GGT5: variants seen among roughly 807,000 people sequenced by gnomAD.
GGT5 encodes the protein glutathione hydrolase 5 proenzyme.
A neutral mutation model predicts 58.1 loss-of-function variants in GGT5; 50 were observed. The ratio of observed to expected loss-of-function variants is 0.86; its 90% confidence interval spans 0.69 to 1.09. GGT5 has a LOEUF of 1.09. GGT5 is among the 50% of genes least tolerant of loss of function. GGT5 has a pLI of 0.00. For missense variants in GGT5, 800 were observed against 789.4 expected, an observed-to-expected ratio of 1.01 and a Z score of -0.16; for synonymous variants, 370 against 346.1, an observed-to-expected ratio of 1.07 and a Z score of -0.77.
intron 1 of GGT5, among the ~76,000 whole-genome samples, chr22:24,238,755 T>A (rs1328158419): frequency 7.6e-5 from 5 of 66,212 alleles, no homozygotes; most frequent in Non-Finnish European, 1.4e-4. Context: ...TGTGTATATA[T>A]ATGGAATATA....
At chr22:24,231,987 C>G in intron 5 of GGT5, 64 bp downstream of exon 5, 1 of 1,400,000 alleles carries the variant, frequency 7.1e-7, no homozygotes, top group Non-Finnish European at 1.0e-6. Context: ...CCCTCAACCC[C>G]CAGTGCCCAG....
intron 1 of GGT5, chr22:24,241,954 T>A (rs1328053434): frequency 6.6e-6 from 1 of 151,636 alleles, no homozygotes; most frequent in East Asian, 1.9e-4. Context: ...GTAGCTGGGA[T>A]TACAGGCACC....
chr22:24,227,434 ATGGTGTTTTACTGTGTTGGCCAGGC>A (rs992958588), intron 6 of GGT5, among the ~76,000 whole-genome samples: 1 of 151,966 alleles, frequency 6.6e-6, no homozygotes, highest in African/African-American at 2.4e-5. Context: ...TTTAGTAGAG[ATGGTGTTTTACTGTGTTGGCCAGGC>A]TGGTCTCCAA....
intron 6 of GGT5, among the ~76,000 whole-genome samples, chr22:24,229,862 GA>G (rs956861817): frequency 8.5e-5 from 12 of 140,368 alleles, no homozygotes; most frequent in African/African-American, 1.0e-4. Context: ...AAAAAAAAAA[GA>G]AAAAAAAAAG....
At position 24,227,204 on chromosome 22, in the gene GGT5, C is replaced by T. The variant is rs561737825; in HGVS notation, c.902-437G>A. On this transcript the variant is annotated intron_variant, in intron 6 of 11. Transcript: ENST00000327365. ...GCCTCAAGTGATCTGCCTGCCTTGG[C>T]CTCCCAAAGTGCTAGGATTACAGGC... is the stretch of plus-strand genomic sequence containing the variant. Among the ~76,000 whole-genome samples, 16 of 152,226 alleles carry T rather than the reference C, an allele frequency of 1.1e-4. No individual in the cohort carries two copies. In the East Asian group the frequency reaches 3.1e-3, roughly 29 times the overall value.
Position 24,244,887 on chromosome 22 carries a change from G to T in GGT5, c.-162C>A. 4 of 1,274,504 alleles carry T rather than the reference G, an allele frequency of 3.1e-6. 1 individual carries two copies. The South Asian group carries it at 6.3e-5, about 20-fold the overall frequency. The allele number at this position is 1,274,504 out of a possible 1,614,324, so 78.9% of individuals were successfully genotyped here. A position where few individuals can be genotyped will look rare whatever the true frequency, so the allele number is the denominator to read the frequency against. ...GACACGAAGATGGATCGACAGATAGGCCAGATAGCTAGACAAAGAGGACAG... is the reference window on the plus strand; with the variant it reads ...GACACGAAGATGGATCGACAGATAGTCCAGATAGCTAGACAAAGAGGACAG... On this transcript the variant is annotated 5_prime_UTR_variant, in exon 1 of 12. Transcript: ENST00000327365.
Position 24,232,182 on chromosome 22 carries a change from G to A in GGT5, c.623C>T (p.Pro208Leu). Reference protein sequence around the residue: ...LRQLFFNGTEPLRPQDPLPWP... With the variant: ...LRQLFFNGTELLRPQDPLPWP... ...TGGGAGTGGGTCCTGAGGCCTCAGG[G>A]GTTCTGTCCCGTTGAAGAAGAGCTG... is the stretch of plus-strand genomic sequence containing the variant. The change falls in exon 5 of 12, where the codon CCC becomes CTC. Residue 208 changes from proline (P) to leucine (L), a missense_variant. Pro to Leu is a moderately conservative substitution (Grantham distance 98). Coordinates refer to ENST00000327365, the MANE Select transcript of GGT5 (RefSeq NM_004121.5). 1 of 1,547,460 alleles carries A rather than the reference G, an allele frequency of 6.5e-7. No homozygotes were observed. Among genetic ancestry groups the A allele is most frequent in the South Asian group, 1.2e-5 (1 of 84,930 alleles).
chr22:24,228,537 G>A (rs2047845283), intron 6 of GGT5, among the ~76,000 whole-genome samples: 1 of 150,396 alleles, frequency 6.6e-6, no homozygotes, highest in African/African-American at 2.4e-5. Flanking sequence ...TGCAAGCTCT[G>A]TCTCCTGGGT....
intron 11 of GGT5, among the ~76,000 whole-genome samples, chr22:24,221,450 G>T (rs558194685): frequency 2.6e-5 from 4 of 152,104 alleles, no homozygotes; most frequent in African/African-American, 9.7e-5. Context: ...CCCCACCCAG[G>T]AACGGACTCA....
Position 24,232,203 on chromosome 22 carries a change from A to C in GGT5, c.602T>G (p.Leu201Arg). ...PSLQASTLRQLFFNGTEPLRP... is the reference protein window; with the variant it reads ...PSLQASTLRQRFFNGTEPLRP... ...CAGGGGTTCTGTCCCGTTGAAGAAGAGCTGGCTGGGGGGTGGGGGGAGCCT... is the reference window on the plus strand; with the variant it reads ...CAGGGGTTCTGTCCCGTTGAAGAAGCGCTGGCTGGGGGGTGGGGGGAGCCT... Residue 201 changes from leucine to arginine, a missense_variant, in exon 5 of 12, where the codon CTC (leucine) becomes CGC (arginine). Transcript: ENST00000327365. 7 of 883,684 alleles carry C rather than the reference A, an allele frequency of 7.9e-6. No homozygotes were observed. The highest frequency in any genetic ancestry group is 1.8e-5 in the African/African-American group (1 of 54,508). 54.7% of individuals were successfully genotyped at this position (883,684 alleles called of 1,614,324 possible). A position where few individuals can be genotyped will look rare whatever the true frequency, so the allele number is the denominator to read the frequency against.
At chr22:24,226,802 C>T in intron 6 of GGT5, 35 bp from the exon 7 acceptor site, 1 of 1,607,446 alleles carries the variant, frequency 6.2e-7, no homozygotes. Flanking sequence ...TGGTTGGGGT[C>T]ACCCTATGTA....
chr22:24,225,618 T>C lies in GGT5; in HGVS notation c.1264A>G (p.Ile422Val), dbSNP rs200073930. The change falls in exon 9 of 12, where the codon ATC becomes GTC. Residue 422 changes from isoleucine to valine, a missense_variant. Transcript: ENST00000327365. ...GAMVYSPRTG[I>V]ILNNELLDLC... ...TCCAGGAGCTCGTTGTTGAGGATGA[T>C]GCCTGTCCGTGGTGAATACACCATC... 450 of 1,613,236 alleles carry C rather than the reference T, an allele frequency of 2.8e-4. 1 individual carries two copies. The Middle Eastern group carries it at 0.01, about 37-fold the overall frequency.
chr22:24,220,861 G>A (rs901417808), intron 11 of GGT5: 13 of 337,128 alleles, frequency 3.9e-5, no homozygotes, highest in Non-Finnish European at 5.8e-5. Flanking sequence ...GCAAGATCAC[G>A]TCTTTATTAA....
rs1207882276 is a variant in GGT5, at chr22:24,225,271, C to G, written c.1477G>C (p.Glu493Gln). 1.2e-6 allele frequency: 2 copies of G among 1,613,526 alleles called. No individual in the cohort carries two copies. Among genetic ancestry groups the G allele is most frequent in the Non-Finnish European group, 1.7e-6 (2 of 1,179,944 alleles). The part of the protein sequence containing the change: ...SKLVIGGAGG[E>Q]LIISAVAQAI... Reference sequence around the variant, plus strand: ...TGGGCCACAGCAGAGATGATGAGCTCCCCGCCAGCCCCGCCAATCACTAGC... The same window carrying G: ...TGGGCCACAGCAGAGATGATGAGCTGCCCGCCAGCCCCGCCAATCACTAGC... The change falls in exon 10 of 12, where the codon GAG becomes CAG. Residue 493 changes from glutamate to glutamine, a missense_variant. Coordinates refer to ENST00000327365, the MANE Select transcript of GGT5 (RefSeq NM_004121.5).
chr22:24,220,876 TAAAAG>T (rs1301439942), intron 11 of GGT5: 9 of 329,730 alleles, frequency 2.7e-5, no homozygotes, highest in East Asian at 1.7e-4. Flanking sequence ...TATTAAAAAA[TAAAAG>T]AAAAGAAAAA....
At chr22:24,239,226 C>T (rs1051517247) in intron 1 of GGT5, among the ~76,000 whole-genome samples, 21 of 150,870 alleles carry the variant, frequency 1.4e-4, no homozygotes, top group Non-Finnish European at 2.2e-4. Context: ...GTAGTCCCAG[C>T]TACTCGGGAG....
chr22:24,239,328 G>A (rs1379545784), intron 1 of GGT5, among the ~76,000 whole-genome samples: 1 of 151,602 alleles, frequency 6.6e-6, no homozygotes, highest in Non-Finnish European at 1.5e-5. Context: ...GACAGAGCGA[G>A]ACTCTGTCTC....
At position 24,225,673 on chromosome 22, in the gene GGT5, G is replaced by A. The variant is rs1442335631; in HGVS notation, c.1230-21C>T. 5.3e-6 allele frequency: 8 copies of A among 1,502,974 alleles called. 1 individual carries two copies. In the South Asian group the frequency reaches 6.8e-5, roughly 13 times the overall value. 93.1% of individuals were successfully genotyped at this position (1,502,974 alleles called of 1,614,324 possible). On this transcript the variant is annotated intron_variant, in intron 8 of 11. Transcript: ENST00000327365. ...CAAAGCTGCAGCCGTGGAGGCAGAA[G>A]AGCCTGGGCTAGGACCCGGGGCTCC... is the stretch of plus-strand genomic sequence containing the variant.
chr22:24,239,174 T>C (rs1265743390), intron 1 of GGT5, among the ~76,000 whole-genome samples: 3 of 147,958 alleles, frequency 2.0e-5, no homozygotes, highest in East Asian at 4.0e-4. Context: ...CCGTCTCTAC[T>C]AAAAAATACA....
Sources: allele counts gnomAD v4.1 joint callset (sites outside exome capture counted in the v4.1 genomes callset), GRCh38; gene constraint gnomAD v4.1.1; transcripts MANE v1.5; gene names NCBI Gene and HGNC (gene_info 2026-07-23, HGNC 2026-07-21).